Variants in SEMA4G observed in about 807,000 individuals in gnomAD.
The protein encoded by SEMA4G is semaphorin 4G, also known as semaphorin-4G.
Under a neutral mutation model 81.2 loss-of-function variants are expected in SEMA4G, and 59 were observed. The ratio of observed to expected loss-of-function variants is 0.73; its 90% confidence interval spans 0.59 to 0.90. The LOEUF (loss-of-function observed/expected upper bound fraction) is 0.90. Among genes scored for constraint, SEMA4G ranks in the 40% least tolerant of loss-of-function variants. The pLI is 0.00. For missense variants in SEMA4G, 952 were observed against 1,102.3 expected (o/e 0.86, Z 1.93); for synonymous variants, 404 against 433.9 (o/e 0.93, Z 0.86).
At chr10:100,977,702 A>T (rs572662465) in exon 4 of SEMA4G, 1 of 1,614,044 alleles carries the variant, frequency 6.2e-7, no homozygotes, top group East Asian at 2.2e-5. Flanking sequence ...TGTGGGACTC[A>T]CGCCTTCCAG....
In SEMA4G at chr10:100,973,996, G is replaced by A. The variant is rs917735255; in HGVS notation, c.336+387G>A. On this transcript the variant is annotated intron_variant, in intron 3 of 13. Transcript: ENST00000370250. The surrounding 1 kb of genome is among the most constrained non-coding windows in gnomAD (Gnocchi z 5.5). ...TTGCTATGTTGCCCAGGCTGGTCTTGAACTCCTGGCCTCAAGCAGTCCCCC... is the reference window on the plus strand; with the variant it reads ...TTGCTATGTTGCCCAGGCTGGTCTTAAACTCCTGGCCTCAAGCAGTCCCCC... Among the ~76,000 whole-genome samples, 5 of 151,622 alleles carry A rather than the reference G, an allele frequency of 3.3e-5. No individual in the cohort carries two copies. The highest frequency in any genetic ancestry group is 5.9e-5 in the Non-Finnish European group (4 of 67,904).
chr10:100,985,567 G>C (rs375892284), downstream of SEMA4G: 1 of 152,586 alleles, frequency 6.6e-6, no homozygotes, highest in African/African-American at 2.4e-5. Context: ...GGGAGCCTGG[G>C]CTCAGCTCCT....
exon 14 of SEMA4G, chr10:100,984,124 C>G: frequency 6.2e-7 from 1 of 1,607,890 alleles, no homozygotes; most frequent in East Asian, 2.2e-5. Context: ...GATGAGAGCT[C>G]TGTCTGAGCC....
chr10:100,983,280 C>T (rs374271802), intron 13 of SEMA4G, 25 bp from the exon 15 acceptor site: 3 of 1,504,272 alleles, frequency 2.0e-6, no homozygotes, highest in Non-Finnish European at 2.7e-6. Context: ...CGGGCTGGTA[C>T]TGACCTCTCC....
chr10:100,983,121 T>G (rs906658232), intron 13 of SEMA4G, among the ~76,000 whole-genome samples, 184 bp from the exon 15 acceptor site: 31 of 152,250 alleles, frequency 2.0e-4, no homozygotes, highest in Non-Finnish European at 3.7e-4. Flanking sequence ...AGGCACTGCC[T>G]GCTTCCTGGG....
rs11190779 is a variant in SEMA4G at position 100,974,823 on chromosome 10, G to A, written c.336+1214G>A. On this transcript the variant is annotated intron_variant, in intron 3 of 13. Coordinates refer to ENST00000370250, the Ensembl canonical transcript of SEMA4G. ...TCTGGAGAGCTTTTACAAAATAAAC[G>A]GCCCTGGGCTGGGCATGGTGGGTCA... Among the ~76,000 whole-genome samples, 1,305 of 152,238 alleles carry A rather than the reference G, an allele frequency of 8.6e-3. 16 individuals carry two copies. The highest frequency in any genetic ancestry group is 0.036 in the South Asian group (172 of 4,824).
exon 8 of SEMA4G, chr10:100,979,129 CAGA>C (rs1179910574): frequency 3.1e-6 from 5 of 1,614,176 alleles, no homozygotes; most frequent in Non-Finnish European, 4.2e-6. Flanking sequence ...GAAGATCCTG[CAGA>C]AGAAGTGGAC....
chr10:100,984,386 T>G, exon 14 of SEMA4G: 2 of 1,451,662 alleles, frequency 1.4e-6, no homozygotes. Flanking sequence ...TCAGGTGCCC[T>G]GCAGACCCAG....
In SEMA4G at chr10:100,977,666, G is replaced by A. The variant is rs749056930; in HGVS notation, c.371G>A (p.Arg124Gln). 2.1e-5 allele frequency: 34 copies of A among 1,613,978 alleles called. 1 individual carries two copies. The East Asian group carries it at 3.3e-4, about 16-fold the overall frequency. The change falls in exon 4 of 14, where the codon CGG becomes CAG. Residue 124 changes from arginine (R) to glutamine (Q), a missense_variant. Physicochemically the swap from Arg to Gln is conservative, Grantham distance 43. Around this residue, in one of 3 missense-constraint regions of SEMA4G, gnomAD observed 436 missense variants for 488.2 expected, o/e 0.89. Transcript: ENST00000370250. ...TTTAACCATGTGCGGTTCCTGCAGC[G>A]GCTCAATTCTACCCACCTCTATGCA...
exon 14 of SEMA4G, chr10:100,984,780 T>C (rs2133912278): frequency 6.5e-7 from 1 of 1,535,956 alleles, no homozygotes; most frequent in Non-Finnish European, 8.7e-7. Context: ...TGTCAAGAGC[T>C]TGGGAACGGG....
chr10:100,978,831 A>G lies in SEMA4G; in HGVS notation c.644-18A>G, dbSNP rs980279092. 1 of 1,611,172 alleles carries G rather than the reference A, an allele frequency of 6.2e-7. No individual in the cohort carries two copies. The highest frequency in any genetic ancestry group is 8.5e-7 in the Non-Finnish European group (1 of 1,177,718). ...CCCCAGCCTGTCTCAAAAGCCTCTCAAACTGCCTGACCCACAGATGCGGAG... is the reference window on the plus strand; with the variant it reads ...CCCCAGCCTGTCTCAAAAGCCTCTCGAACTGCCTGACCCACAGATGCGGAG... On this transcript the variant is annotated intron_variant, in intron 6 of 13. Coordinates refer to ENST00000370250, the Ensembl canonical transcript of SEMA4G.
intron 8 of SEMA4G, 108 bp downstream of exon 9, chr10:100,979,379 A>C (rs779060989): frequency 1.3e-5 from 20 of 1,593,392 alleles, no homozygotes; most frequent in Non-Finnish European, 1.5e-5. Context: ...CTGGCTGCAA[A>C]GTGAGAATTT....
At chr10:100,983,598 C>T (rs1416703361) in exon 14 of SEMA4G, 2 of 1,614,136 alleles carry the variant, frequency 1.2e-6, no homozygotes, top group Non-Finnish European at 1.7e-6. Context: ...TCCAAAAGCC[C>T]CTGCCACACC....
In SEMA4G at chr10:100,973,446, C is replaced by A; in HGVS notation, c.274-101C>A. The A allele has an allele frequency of 7.0e-7, 1 of 1,426,292 alleles. No homozygotes were observed. The allele number at this position is 1,426,292 out of a possible 1,614,324, so 88.4% of individuals were successfully genotyped here. A position where few individuals can be genotyped will look rare whatever the true frequency, so the allele number is the denominator to read the frequency against. On this transcript the variant is annotated intron_variant, in intron 2 of 13. Transcript: ENST00000370250. The surrounding 1 kb of genome is among the most constrained non-coding windows in gnomAD (Gnocchi z 5.5). ...TTCAGTGTTCCTCCTGAAATTGATC[C>A]CCACCCCAATTTCCCCAACTCTGTG... is the stretch of plus-strand genomic sequence containing the variant.
intron 9 of SEMA4G, 57 bp from the exon 11 acceptor site, chr10:100,980,065 G>A: frequency 5.6e-6 from 9 of 1,613,082 alleles, no homozygotes; most frequent in Non-Finnish European, 7.6e-6. Flanking sequence ...TGGCCTTGTG[G>A]AGAGGGCAGG....
Position 100,983,340 on chromosome 10 carries a change from C to G in SEMA4G, c.1726C>G (p.Arg576Gly), listed in dbSNP as rs760031264. The change falls in exon 14 of 14, where the codon CGG (arginine) becomes GGG (glycine). Residue 576 changes from arginine (R) to glycine (G), a missense_variant. By Grantham distance (125) the Arg-to-Gly change is moderately radical. Coordinates refer to ENST00000370250, the Ensembl canonical transcript of SEMA4G. ...ACCACTGAAGACCCGCTCTGTGCTCCGGGGTGATGATGTCCTCCTGCCCTG... is the reference window on the plus strand; with the variant it reads ...ACCACTGAAGACCCGCTCTGTGCTCGGGGGTGATGATGTCCTCCTGCCCTG... 8.8e-6 allele frequency: 14 copies of G among 1,588,066 alleles called. No homozygotes were observed. The African/African-American group carries it at 1.9e-4, about 21-fold the overall frequency.
Position 100,972,918 on chromosome 10 carries a change from G to A in SEMA4G, c.6G>A (p.Trp2Ter). The A allele has an allele frequency of 6.2e-7, 1 of 1,607,440 alleles. No homozygotes were observed. The change falls in exon 1 of 14, where the codon TGG becomes TGA. Residue 2 changes from tryptophan (W) to a stop codon, truncating the protein, a stop_gained. Transcript: ENST00000370250. LOFTEE classifies it high-confidence loss of function. ...GTCTGGGCCTCCCCAGGAAGATGTG[G>A]GGGAGGCTCTGGCCCCTCCTCCTCA...
At chr10:100,972,718 G>A in exon 1 of SEMA4G, 1 of 550,926 alleles carries the variant, frequency 1.8e-6, no homozygotes, top group Non-Finnish European at 3.2e-6. Flanking sequence ...ACAACCCTGT[G>A]ACTCCATGTC....
chr10:100,979,808 T>TC, intron 8 of SEMA4G, 40 bp from the exon 10 acceptor site: 1 of 1,607,492 alleles, frequency 6.2e-7, no homozygotes, highest in Admixed American at 1.7e-5. Context: ...CAGGCTTGAC[T>TC]CCATGTAACT....
Sources: allele counts gnomAD v4.1 joint callset (sites outside exome capture counted in the v4.1 genomes callset), GRCh38; gene constraint gnomAD v4.1.1; regional missense constraint gnomAD v4.1.1; non-coding constraint Gnocchi (gnomAD v3.1); transcripts MANE v1.5; gene names NCBI Gene and HGNC (gene_info 2026-07-23, HGNC 2026-07-21).